KNCN: variants seen among roughly 807,000 people sequenced by gnomAD.
KNCN encodes the protein kinocilin.
In KNCN, 11 loss-of-function variants were observed where a neutral mutation model predicts 10.4. The observed-to-expected ratio is 1.06, with a 90% CI of 0.67 to 1.75. The LOEUF (loss-of-function observed/expected upper bound fraction) is 1.75. Ranked by LOEUF, KNCN falls within the 40% of genes most tolerant of loss-of-function variation. The pLI, the probability that KNCN is intolerant of heterozygous loss-of-function variation, is 0.00. For synonymous variants in KNCN, 67 were observed against 71.6 expected (o/e 0.94, Z 0.33); for missense variants, 172 against 167.1 (o/e 1.03, Z -0.16).
chr1:46,550,711 C>T (rs1303413429), intron 1 of KNCN, among the ~76,000 whole-genome samples: 1 of 152,150 alleles, frequency 6.6e-6, no homozygotes, highest in East Asian at 1.9e-4. Context: ...TCCTCAGGAG[C>T]TCTGTCCTTT....
Position 46,551,156 on chromosome 1 carries a change from G to C in KNCN, c.60C>G (p.Leu20=). Residue 20 remains leucine (L), a synonymous_variant, in exon 1 of 4, where the codon CTC becomes CTG. Coordinates refer to ENST00000481882, the MANE Select transcript of KNCN (RefSeq NM_001322255.2). The surrounding 1 kb of genome is among the most constrained non-coding windows in gnomAD (Gnocchi z 4.0). ...FRGLQLACVA[L]GLVAGSIIIG... Reference sequence around the variant, plus strand: ...TAATGATGCTGCCAGCCACCAGCCCGAGAGCCACGCAGGCCAGCTGCAGGC... The same window carrying C: ...TAATGATGCTGCCAGCCACCAGCCCCAGAGCCACGCAGGCCAGCTGCAGGC... 1.2e-6 allele frequency: 2 copies of C among 1,611,322 alleles called. No individual in the cohort carries two copies. The highest frequency in any genetic ancestry group is 2.2e-5 in the East Asian group (1 of 44,590).
Position 46,551,344 on chromosome 1 carries a change from G to C in KNCN, c.-129C>G. The C allele has an allele frequency of 9.7e-7, 1 of 1,031,098 alleles. No individual in the cohort carries two copies. Among genetic ancestry groups the C allele is most frequent in the Non-Finnish European group, 1.4e-6 (1 of 719,546 alleles). 63.9% of individuals were successfully genotyped at this position (1,031,098 alleles called of 1,614,324 possible). On this transcript the variant is annotated 5_prime_UTR_variant, in exon 1 of 4. In the 5' UTR this introduces an upstream ATG that the reference lacks. Transcript: ENST00000481882. The surrounding 1 kb of genome is among the most constrained non-coding windows in gnomAD (Gnocchi z 4.0). ...CAGGGTAGGAGTTTCTGGGCAGTAA[G>C]ATGATAGGTGGGGAACCCTGGGATT...
intron 3 of KNCN, 66 bp downstream of exon 3, chr1:46,549,127 G>T: frequency 7.7e-7 from 1 of 1,303,572 alleles, no homozygotes; most frequent in Non-Finnish European, 1.1e-6. Flanking sequence ...GGCAACACGA[G>T]CAAAACTCTG....
intron 1 of KNCN, among the ~76,000 whole-genome samples, chr1:46,550,249 C>A (rs749821788): frequency 3.3e-5 from 5 of 152,098 alleles, no homozygotes; most frequent in Non-Finnish European, 7.4e-5. Context: ...CTGGCTCCAC[C>A]GTTCCTAAGT....
rs564506829 is a variant in KNCN, at chr1:46,549,314, C to T, written c.221-47G>A. The T allele has an allele frequency of 1.9e-5, 27 of 1,428,766 alleles. No individual in the cohort carries two copies. The South Asian group carries it at 3.2e-4, about 17-fold the overall frequency. 88.5% of individuals were successfully genotyped at this position (1,428,766 alleles called of 1,614,324 possible). A position where few individuals can be genotyped will look rare whatever the true frequency, so the allele number is the denominator to read the frequency against. On this transcript the variant is annotated intron_variant, in intron 2 of 3. Transcript: ENST00000481882. ...AGCCCCCTGATTACTGAGCCATTCC[C>T]CAAATCAAGCCTAGGTTGGGAAGGG... is the stretch of plus-strand genomic sequence containing the variant.
intron 2 of KNCN, among the ~76,000 whole-genome samples, chr1:46,549,494 G>A (rs1037100443): frequency 2.6e-5 from 4 of 152,128 alleles, no homozygotes; most frequent in African/African-American, 4.8e-5. Flanking sequence ...GTGAGGTCCC[G>A]GGGAGAACTG....
In KNCN at chr1:46,549,955, C is replaced by T. The variant is rs146851618; in HGVS notation, c.199G>A (p.Asp67Asn). The change falls in exon 2 of 4, where the codon GAC becomes AAC. Residue 67 changes from aspartate (D) to asparagine (N), a missense_variant. Transcript: ENST00000481882. ...TCACCTATGGTAGGCAGGATGTGGT[C>T]CAGGTTGAACCGAGCCTTCAGGAAG... ...YPFLKARFNLDHILPTIGSLR... is the reference protein window; with the variant it reads ...YPFLKARFNLNHILPTIGSLR... The T allele has an allele frequency of 1.3e-6, 2 of 1,550,520 alleles. No individual in the cohort carries two copies. Among genetic ancestry groups the T allele is most frequent in the Non-Finnish European group, 1.7e-6 (2 of 1,146,984 alleles).
Position 46,547,431 on chromosome 1 carries a change from C to T in KNCN, c.*299G>A, listed in dbSNP as rs141679573. 1,152 of 628,972 alleles carry T rather than the reference C, an allele frequency of 1.8e-3. 10 individuals carry two copies. The highest frequency in any genetic ancestry group is 0.018 in the African/African-American group (1,019 of 55,698). The allele number at this position is 628,972 out of a possible 1,614,324, so 39.0% of individuals were successfully genotyped here. A position where few individuals can be genotyped will look rare whatever the true frequency, so the allele number is the denominator to read the frequency against. On this transcript the variant is annotated 3_prime_UTR_variant, in exon 4 of 4. Transcript: ENST00000481882. ...ACAAATCAGTAGATTGAACAGGCAACAAAGCTGAGCTGCAGTCCAGAAAGA... is the reference window on the plus strand; with the variant it reads ...ACAAATCAGTAGATTGAACAGGCAATAAAGCTGAGCTGCAGTCCAGAAAGA...
chr1:46,549,866 A>T, intron 2 of KNCN, 68 bp downstream of exon 2: 2 of 1,549,928 alleles, frequency 1.3e-6, no homozygotes, highest in Non-Finnish European at 8.7e-7. Flanking sequence ...TGGGTCACAG[A>T]CGAGCACACA....
chr1:46,551,165 G>A lies in KNCN; in HGVS notation c.51C>T (p.Cys17=), dbSNP rs377227798. ...TGCCAGCCACCAGCCCGAGAGCCAC[G>A]CAGGCCAGCTGCAGGCCGCGGAAGT... ...SRDFRGLQLA[C]VALGLVAGSI... Residue 17 remains cysteine, a synonymous_variant, in exon 1 of 4, where the codon TGC becomes TGT. Coordinates refer to ENST00000481882, the MANE Select transcript of KNCN (RefSeq NM_001322255.2). This position sits in a 1 kb window ranked among gnomAD's most constrained non-coding sequence, Gnocchi z 4.0. 3.2e-5 allele frequency: 52 copies of A among 1,610,350 alleles called. No individual in the cohort carries two copies. The highest frequency in any genetic ancestry group is 6.7e-5 in the Admixed American group (4 of 59,538).
chr1:46,546,877 T>A lies in KNCN; in HGVS notation c.*853A>T, dbSNP rs1199387854. On this transcript the variant is annotated 3_prime_UTR_variant, in exon 4 of 4. Coordinates refer to ENST00000481882, the MANE Select transcript of KNCN (RefSeq NM_001322255.2). ...TGAGGAAACCACGTGGGTAGGAGAT[T>A]TTTTGAACGGGGACTTTAAAAGTGG... 5 of 156,768 alleles carry A rather than the reference T, an allele frequency of 3.2e-5. No individual in the cohort carries two copies. The highest frequency in any genetic ancestry group is 1.2e-4 in the African/African-American group (5 of 41,394). 9.7% of individuals were successfully genotyped at this position (156,768 alleles called of 1,614,324 possible). A position where few individuals can be genotyped will look rare whatever the true frequency, so the allele number is the denominator to read the frequency against.
rs1010532339 is a variant in KNCN at position 46,549,971 on chromosome 1, C to A, written c.183G>T (p.Lys61Asn). The A allele has an allele frequency of 6.4e-7, 1 of 1,550,620 alleles. No individual in the cohort carries two copies. Among genetic ancestry groups the A allele is most frequent in the African/African-American group, 1.4e-5 (1 of 73,120 alleles). The change falls in exon 2 of 4, where the codon AAG (lysine) becomes AAT (asparagine). Residue 61 changes from lysine to asparagine, a missense_variant. Physicochemically the swap from Lys to Asn is moderately conservative, Grantham distance 94 (BLOSUM62 0). Transcript: ENST00000481882. Reference protein sequence around the residue: ...GLLILAYPFLKARFNLDHILP... With the variant: ...GLLILAYPFLNARFNLDHILP... Reference sequence around the variant, plus strand: ...GGATGTGGTCCAGGTTGAACCGAGCCTTCAGGAAGGGGTAGGCCAAGATGA... The same window carrying A: ...GGATGTGGTCCAGGTTGAACCGAGCATTCAGGAAGGGGTAGGCCAAGATGA...
chr1:46,547,196 A>G lies in KNCN; in HGVS notation c.*534T>C. ...GCTGCTCAGAGCCTGTCCCTGAGGA[A>G]CTGCCAGGAGTTTTGATATTTGGAA... is the stretch of plus-strand genomic sequence containing the variant. On this transcript the variant is annotated 3_prime_UTR_variant, in exon 4 of 4. Coordinates refer to ENST00000481882, the MANE Select transcript of KNCN (RefSeq NM_001322255.2). 1 of 355,574 alleles carries G rather than the reference A, an allele frequency of 2.8e-6. No homozygotes were observed. The highest frequency in any genetic ancestry group is 5.5e-6 in the Non-Finnish European group (1 of 180,446). The allele number at this position is 355,574 out of a possible 1,614,324, so 22.0% of individuals were successfully genotyped here. A position where few individuals can be genotyped will look rare whatever the true frequency, so the allele number is the denominator to read the frequency against.
chr1:46,550,659 G>A (rs529537438), intron 1 of KNCN, among the ~76,000 whole-genome samples: 25 of 152,262 alleles, frequency 1.6e-4, no homozygotes, highest in African/African-American at 4.6e-4. Flanking sequence ...GAAAGAAGAC[G>A]AAACCCTTTT....
chr1:46,549,226 C>T lies in KNCN; in HGVS notation c.262G>A (p.Glu88Lys), dbSNP rs1667015959. The T allele has an allele frequency of 1.9e-6, 3 of 1,613,258 alleles. No homozygotes were observed. The highest frequency in any genetic ancestry group is 1.3e-5 in the African/African-American group (1 of 74,876). The change falls in exon 3 of 4, where the codon GAA becomes AAA. Residue 88 changes from glutamate to lysine, a missense_variant. Coordinates refer to ENST00000481882, the MANE Select transcript of KNCN (RefSeq NM_001322255.2). ...IHPHPGADHGEGRSSTNGNKE... is the reference protein window; with the variant it reads ...IHPHPGADHGKGRSSTNGNKE... ...TTGCCATTGGTGCTGGATCTTCCTT[C>T]CCCGTGGTCTGCCCCTGGATGGGGA...
In KNCN at chr1:46,549,192, C is replaced by T. The variant is rs375884162; in HGVS notation, c.295+1G>A. The T allele has an allele frequency of 3.6e-4, 575 of 1,606,506 alleles. No individual in the cohort carries two copies. The highest frequency in any genetic ancestry group is 1.2e-3 in the South Asian group (111 of 89,764). ...TGGACTCGGGAATTTCTGGAACTTA[C>T]CTTCCTTGTTGCCATTGGTGCTGGA... On this transcript the variant is annotated splice_donor_variant, in intron 3 of 3. Transcript: ENST00000481882. LOFTEE classifies it high-confidence loss of function.
In KNCN at chr1:46,547,716, G is replaced by C. The variant is rs1443210819; in HGVS notation, c.*14C>G. The C allele has an allele frequency of 6.6e-7, 1 of 1,516,354 alleles. No homozygotes were observed. Among genetic ancestry groups the C allele is most frequent in the African/African-American group, 1.4e-5 (1 of 72,232 alleles). The allele number at this position is 1,516,354 out of a possible 1,614,324, so 93.9% of individuals were successfully genotyped here. A position where few individuals can be genotyped will look rare whatever the true frequency, so the allele number is the denominator to read the frequency against. The stretch of plus-strand genomic sequence containing the variant: ...ATGGGAGGGCAGGGCATGGGCAGCC[G>C]CTCAGACTTTGCCTCAGCATTCCTC... On this transcript the variant is annotated 3_prime_UTR_variant, in exon 4 of 4. Transcript: ENST00000481882.
rs940516565 is a variant in KNCN, at chr1:46,551,308, C to T, written c.-93G>A. The T allele has an allele frequency of 2.5e-5, 36 of 1,436,002 alleles. No individual in the cohort carries two copies. Among genetic ancestry groups the T allele is most frequent in the Non-Finnish European group, 2.9e-5 (31 of 1,060,668 alleles). The allele number at this position is 1,436,002 out of a possible 1,614,324, so 89.0% of individuals were successfully genotyped here. A position where few individuals can be genotyped will look rare whatever the true frequency, so the allele number is the denominator to read the frequency against. On this transcript the variant is annotated 5_prime_UTR_variant, in exon 1 of 4. Transcript: ENST00000481882. This position sits in a 1 kb window ranked among gnomAD's most constrained non-coding sequence, Gnocchi z 4.0. ...GGGCTCTTGGATGTCTCCTTGTTGG[C>T]GCTCCAACTTCAGGGTAGGAGTTTC...
chr1:46,547,741 C>T lies in KNCN; in HGVS notation c.364G>A (p.Glu122Lys), dbSNP rs200854120. The change falls in exon 4 of 4, where the codon GAG becomes AAG. Residue 122 changes from glutamate (E) to lysine (K), a missense_variant. Glu to Lys is a moderately conservative substitution (Grantham distance 56). Coordinates refer to ENST00000481882, the MANE Select transcript of KNCN (RefSeq NM_001322255.2). Reference sequence around the variant, plus strand: ...GCTCAGACTTTGCCTCAGCATTCCTCAGCCCCCCGGGTCCCCGGCTTCAGC... The same window carrying T: ...GCTCAGACTTTGCCTCAGCATTCCTTAGCCCCCCGGGTCCCCGGCTTCAGC... ...EKLKPGTRGAEEC is the reference protein window; with the variant it reads ...EKLKPGTRGAKEC 83 of 1,494,078 alleles carry T rather than the reference C, an allele frequency of 5.6e-5. No individual in the cohort carries two copies. The East Asian group carries it at 1.9e-3, about 34-fold the overall frequency. The allele number at this position is 1,494,078 out of a possible 1,614,324, so 92.6% of individuals were successfully genotyped here.
Sources: gnomAD v4.1 joint callset for allele counts (sites outside exome capture counted in the v4.1 genomes callset) on GRCh38, gnomAD v4.1.1 for gene constraint, Gnocchi (gnomAD v3.1) non-coding constraint, MANE v1.5 for transcripts, NCBI Gene and HGNC (gene_info 2026-07-23, HGNC 2026-07-21) for gene names.